Variants in SKAP1 observed in about 807,000 individuals in gnomAD.
SKAP1 encodes the protein src kinase associated phosphoprotein 1, also known as src kinase-associated phosphoprotein 1.
A neutral mutation model predicts 58.5 loss-of-function variants in SKAP1; 44 were observed. The ratio of observed to expected loss-of-function variants is 0.75; its 90% CI spans 0.59 to 0.97. The LOEUF is 0.97. SKAP1 is among the 50% of genes least tolerant of loss of function. SKAP1 has a pLI of 0.00. For missense variants in SKAP1, 390 were observed against 435.2 expected (o/e 0.90, Z 0.92); for synonymous variants, 127 against 149.7 (o/e 0.85, Z 1.11).
chr17:48,162,388 TG>T, intron 11 of SKAP1, 80 bp downstream of exon 11: 1 of 825,116 alleles, frequency 1.2e-6, no homozygotes, highest in Non-Finnish European at 2.0e-6. Flanking sequence ...GTGTATGACA[TG>T]GAATAATTCT....
At chr17:48,378,590 C>T (rs2067178291) in intron 2 of SKAP1, among the ~76,000 whole-genome samples, 1 of 152,150 alleles carries the variant, frequency 6.6e-6, no homozygotes, top group Non-Finnish European at 1.5e-5. Flanking sequence ...CTCCTGCCTA[C>T]TTGTTCAAGC....
At chr17:48,357,426 C>T (rs2066888938) in intron 3 of SKAP1, among the ~76,000 whole-genome samples, 2 of 151,956 alleles carry the variant, frequency 1.3e-5, no homozygotes, top group South Asian at 2.1e-4. Context: ...GTCAGGAGAT[C>T]GAGACCATCC....
intron 2 of SKAP1, among the ~76,000 whole-genome samples, chr17:48,381,897 G>A (rs755732816): frequency 6.6e-6 from 1 of 152,216 alleles, no homozygotes; most frequent in Non-Finnish European, 1.5e-5. Flanking sequence ...TAGAAACTAT[G>A]AGTGAATGAA....
chr17:48,151,616 T>G (rs1003405391), intron 11 of SKAP1, among the ~76,000 whole-genome samples: 1 of 152,230 alleles, frequency 6.6e-6, no homozygotes, highest in Non-Finnish European at 1.5e-5. Flanking sequence ...TTCTGTCTTT[T>G]AACAATTATT....
chr17:48,279,700 G>T (rs1390474599), intron 4 of SKAP1, among the ~76,000 whole-genome samples: 1 of 152,140 alleles, frequency 6.6e-6, no homozygotes, highest in African/African-American at 2.4e-5. Context: ...TAATTCGAGG[G>T]CTGTGTTACC....
chr17:48,341,404 A>G (rs1367993551), intron 4 of SKAP1, among the ~76,000 whole-genome samples: 1 of 152,196 alleles, frequency 6.6e-6, no homozygotes, highest in Non-Finnish European at 1.5e-5. Context: ...ACAATGATCA[A>G]CAAAATCTAG....
intron 10 of SKAP1, among the ~76,000 whole-genome samples, chr17:48,170,232 G>A (rs554194242): frequency 1.3e-5 from 2 of 152,174 alleles, no homozygotes; most frequent in East Asian, 1.9e-4. Context: ...TGCAATCTCC[G>A]GGCCTCTCAG....
At chr17:48,419,572 C>A (rs577251112) in intron 1 of SKAP1, among the ~76,000 whole-genome samples, 65 of 152,200 alleles carry the variant, frequency 4.3e-4, no homozygotes, top group African/African-American at 1.6e-3. Context: ...CGTGAGCCAC[C>A]ATGCCCGGCC....
chr17:48,416,220 C>G (rs1354966558), intron 1 of SKAP1, among the ~76,000 whole-genome samples: 2 of 143,348 alleles, frequency 1.4e-5, no homozygotes, highest in Non-Finnish European at 3.1e-5. Flanking sequence ...ATTTTTTTTT[C>G]TAGTTATAAG....
At position 48,313,918 on chromosome 17, in the gene SKAP1, T is replaced by G. The variant is rs561197303; in HGVS notation, c.280+31987A>C. Among the ~76,000 whole-genome samples, 10 of 152,280 alleles carry G rather than the reference T, an allele frequency of 6.6e-5. No individual in the cohort carries two copies. In the South Asian group the frequency reaches 1.0e-3, roughly 16 times the overall value. On this transcript the variant is annotated intron_variant, in intron 4 of 12. Transcript: ENST00000336915. ...GGTACAACAAATCCCAAGCAAAGAC[T>G]TTAATAAGAAAGTTTAAATAATGGG...
chr17:48,145,401 C>T (rs891797375), intron 11 of SKAP1, among the ~76,000 whole-genome samples: 9 of 133,440 alleles, frequency 6.7e-5, no homozygotes, highest in Non-Finnish European at 1.3e-4. Flanking sequence ...AGGATTTATG[C>T]TAATCTCCAT....
intron 4 of SKAP1, among the ~76,000 whole-genome samples, chr17:48,194,738 T>C (rs2143563828): frequency 6.6e-6 from 1 of 152,370 alleles, no homozygotes; most frequent in South Asian, 2.1e-4. Context: ...TGTTAAGTTA[T>C]GGACTTCTCC....
intron 7 of SKAP1, among the ~76,000 whole-genome samples, chr17:48,184,049 A>T (rs2064408759): frequency 6.6e-6 from 1 of 152,218 alleles, no homozygotes; most frequent in Non-Finnish European, 1.5e-5. Flanking sequence ...ATATTTCCAC[A>T]GTCAGAAATT....
At chr17:48,430,051 A>G (rs1417542943) in intron 1 of SKAP1, 24 bp downstream of exon 1, 1 of 1,264,160 alleles carries the variant, frequency 7.9e-7, no homozygotes, top group South Asian at 3.7e-5. Context: ...TCAGCACTGG[A>G]GGGGGCCTGC....
At chr17:48,324,425 C>T (rs149879132) in intron 4 of SKAP1, among the ~76,000 whole-genome samples, 1 of 152,048 alleles carries the variant, frequency 6.6e-6, no homozygotes, top group African/African-American at 2.4e-5. Context: ...TGAAAAGTAA[C>T]TTTCATTGCT....
At chr17:48,269,857 GCTGAGGCGGGAGGATCAC>G (rs1361228083) in intron 4 of SKAP1, among the ~76,000 whole-genome samples, 1 of 152,164 alleles carries the variant, frequency 6.6e-6, no homozygotes, top group Non-Finnish European at 1.5e-5. Context: ...ACTTTGGGAG[GCTGAGGCGGGAGGATCAC>G]CTGAGGTCGG....
chr17:48,410,385 T>A (rs1446563226), intron 1 of SKAP1, among the ~76,000 whole-genome samples: 2 of 152,150 alleles, frequency 1.3e-5, no homozygotes, highest in Non-Finnish European at 1.5e-5. Context: ...ATTTCCTTGC[T>A]TTGTCAGCTA....
At chr17:48,199,396 T>C (rs2064694969) in intron 4 of SKAP1, among the ~76,000 whole-genome samples, 1 of 152,364 alleles carries the variant, frequency 6.6e-6, no homozygotes, top group South Asian at 2.1e-4. Context: ...GACTCTGTCC[T>C]GTGGAACATG....
chr17:48,313,613 G>T (rs1440623015), intron 4 of SKAP1, among the ~76,000 whole-genome samples: 2 of 152,138 alleles, frequency 1.3e-5, no homozygotes, highest in Non-Finnish European at 2.9e-5. Context: ...CTCTGCATTA[G>T]AAAGTCGTCA....
Sources: allele counts gnomAD v4.1 joint callset (sites outside exome capture counted in the v4.1 genomes callset), GRCh38; gene constraint gnomAD v4.1.1; transcripts MANE v1.5; gene names NCBI Gene and HGNC (gene_info 2026-07-23, HGNC 2026-07-21).